Variants in ALDH18A1 observed in about 807,000 individuals in gnomAD.
The protein encoded by ALDH18A1 is delta-1-pyrroline-5-carboxylate synthase.
In ALDH18A1, 44 loss-of-function variants were observed where a neutral mutation model predicts 88.8. That is an observed-to-expected ratio of 0.50 (90% CI 0.39 to 0.64). The LOEUF (loss-of-function observed/expected upper bound fraction) is 0.64. ALDH18A1 is among the 30% of genes least tolerant of loss of function. The pLI is 0.00. For missense variants in ALDH18A1, 782 were observed against 1,009.5 expected (o/e 0.77, Z 3.05); for synonymous variants, 331 against 372.1 (o/e 0.89, Z 1.27).
At chr10:95,618,122 T>G (rs965978153) in intron 12 of ALDH18A1, among the ~76,000 whole-genome samples, 1 of 152,084 alleles carries the variant, frequency 6.6e-6, no homozygotes, top group Admixed American at 6.5e-5. Flanking sequence ...TTGGGGCTAG[T>G]GCAAAGGAAG....
chr10:95,628,261 G>A, intron 8 of ALDH18A1, 107 bp downstream of exon 8: 1 of 1,475,632 alleles, frequency 6.8e-7, no homozygotes, highest in Non-Finnish European at 9.4e-7. Flanking sequence ...GTGTGTATGT[G>A]CCTACTATCT....
intron 11 of ALDH18A1, among the ~76,000 whole-genome samples, chr10:95,622,520 T>C (rs1335840925): frequency 1.3e-5 from 2 of 151,732 alleles, no homozygotes; most frequent in South Asian, 2.1e-4. Flanking sequence ...AATAGGATTA[T>C]GGCAAGCTCA....
chr10:95,655,127 CTTT>C (rs1354780544), intron 1 of ALDH18A1, among the ~76,000 whole-genome samples: 1 of 48,804 alleles, frequency 2.0e-5, no homozygotes, highest in Non-Finnish European at 6.4e-5. Flanking sequence ...CCCAATTTTT[CTTT>C]ATTATTATTA....
chr10:95,617,158 A>G (rs2097845539), intron 12 of ALDH18A1, among the ~76,000 whole-genome samples: 1 of 152,182 alleles, frequency 6.6e-6, no homozygotes. Context: ...GAGGCAAGAG[A>G]CTTTCTTGAG....
intron 2 of ALDH18A1, among the ~76,000 whole-genome samples, chr10:95,647,193 G>A (rs912706042): frequency 6.6e-6 from 1 of 152,148 alleles, no homozygotes; most frequent in African/African-American, 2.4e-5. Context: ...GTCTAATGAG[G>A]ATAAGTATCA....
chr10:95,617,618 C>A (rs1431171922), intron 12 of ALDH18A1, among the ~76,000 whole-genome samples: 1 of 152,214 alleles, frequency 6.6e-6, no homozygotes. Flanking sequence ...CCTGATCATC[C>A]TACCTCTTAC....
chr10:95,639,141 G>A (rs1473974925), intron 3 of ALDH18A1, among the ~76,000 whole-genome samples: 1 of 151,966 alleles, frequency 6.6e-6, no homozygotes, highest in Non-Finnish European at 1.5e-5. Flanking sequence ...AAACCAGCCT[G>A]AGCAAAATAG....
intron 15 of ALDH18A1, 118 bp downstream of exon 15, chr10:95,613,624 A>G: frequency 7.3e-7 from 1 of 1,364,454 alleles, no homozygotes; most frequent in Non-Finnish European, 1.0e-6. Flanking sequence ...AACTTTGTAC[A>G]CAGAAGATAT....
chr10:95,606,876 A>G lies in ALDH18A1; in HGVS notation c.2274T>C (p.Leu758=). The G allele has an allele frequency of 1.2e-6, 2 of 1,614,170 alleles. No individual in the cohort carries two copies. Among genetic ancestry groups the G allele is most frequent in the Non-Finnish European group, 1.7e-6 (2 of 1,180,030 alleles). The change falls in exon 18 of 18, where the codon CTT becomes CTC. Residue 758 remains leucine, a synonymous_variant. Coordinates refer to ENST00000371224, the MANE Select transcript of ALDH18A1 (RefSeq NM_002860.4). ...ARGPVGLEGL[L]TTKWLLRGKD... The stretch of plus-strand genomic sequence containing the variant: ...TCCCTCGCAGCAGCCACTTAGTAGT[A>G]AGCAGTCCCTCAAGTCCTACTGGTC...
At chr10:95,635,348 C>T (rs1463459560) in intron 5 of ALDH18A1, among the ~76,000 whole-genome samples, 1 of 152,010 alleles carries the variant, frequency 6.6e-6, no homozygotes, top group East Asian at 1.9e-4. Flanking sequence ...ATACCTGTCA[C>T]CAAAATAGCT....
chr10:95,615,359 A>C (rs1050169521), intron 13 of ALDH18A1, among the ~76,000 whole-genome samples: 2 of 151,802 alleles, frequency 1.3e-5, no homozygotes, highest in African/African-American at 4.8e-5. Context: ...AAAAAGGCAA[A>C]AGTAATTTAA....
chr10:95,610,153 G>C, intron 17 of ALDH18A1, 44 bp downstream of exon 17: 2 of 1,579,588 alleles, frequency 1.3e-6, no homozygotes, highest in East Asian at 2.2e-5. Context: ...ACCACACAGT[G>C]CTTCACAAGG....
chr10:95,640,230 AAT>A (rs34011550), intron 3 of ALDH18A1, among the ~76,000 whole-genome samples: 52,624 of 151,944 alleles, frequency 0.35, 9,753 homozygotes, highest in East Asian at 0.7. Context: ...ATCCATTTTC[AAT>A]ATGAGTAGCT....
chr10:95,640,862 G>A (rs1279985508), intron 3 of ALDH18A1, among the ~76,000 whole-genome samples: 4 of 152,096 alleles, frequency 2.6e-5, no homozygotes, highest in Admixed American at 6.5e-5. Context: ...TTTCTCCTCC[G>A]TTCAAAATCT....
chr10:95,655,202 A>C (rs1284001479), intron 1 of ALDH18A1, among the ~76,000 whole-genome samples: 2 of 151,984 alleles, frequency 1.3e-5, no homozygotes, highest in Non-Finnish European at 2.9e-5. Flanking sequence ...GGTTAGTTAC[A>C]TATGTAAGAG....
intron 7 of ALDH18A1, among the ~76,000 whole-genome samples, chr10:95,629,515 C>T (rs888834922): frequency 6.6e-6 from 1 of 152,048 alleles, no homozygotes; most frequent in African/African-American, 2.4e-5. Flanking sequence ...AAAAAATAAC[C>T]TTTCACAATC....
intron 17 of ALDH18A1, among the ~76,000 whole-genome samples, chr10:95,609,102 C>G (rs1333901957): frequency 6.6e-6 from 1 of 152,108 alleles, no homozygotes; most frequent in African/African-American, 2.4e-5. Context: ...CTCCAACTCC[C>G]GGCCTCAGGT....
chr10:95,655,633 T>A (rs1031751613), intron 1 of ALDH18A1, among the ~76,000 whole-genome samples: 1 of 151,362 alleles, frequency 6.6e-6, no homozygotes. Flanking sequence ...CCAGGCAGAG[T>A]GTATTACGCC....
intron 5 of ALDH18A1, among the ~76,000 whole-genome samples, chr10:95,633,905 C>T (rs1257247982): frequency 6.6e-6 from 1 of 150,780 alleles, no homozygotes; most frequent in Non-Finnish European, 1.5e-5. Flanking sequence ...CAACCTCCAC[C>T]TCCTGGGTTC....
Sources: gnomAD v4.1 joint callset for allele counts (sites outside exome capture counted in the v4.1 genomes callset) on GRCh38, gnomAD v4.1.1 for gene constraint, MANE v1.5 for transcripts, NCBI Gene and HGNC (gene_info 2026-07-23, HGNC 2026-07-21) for gene names.